PGK1: variants seen among roughly 807,000 people sequenced by gnomAD.
PGK1 encodes phosphoglycerate kinase 1, also known as PRP 2.
In PGK1, 3 loss-of-function variants were observed where a neutral mutation model predicts 26.9. The observed-to-expected ratio is 0.11, with a 90% CI of 0.05 to 0.29. The LOEUF is 0.29. Ranked by LOEUF, PGK1 falls within the 10% of genes least tolerant of loss-of-function variation. PGK1 has a pLI of 1.00. For missense variants in PGK1, 270 were observed against 314.7 expected, an observed-to-expected ratio of 0.86 and a Z score of 1.07; for synonymous variants, 125 against 115.3, an observed-to-expected ratio of 1.08 and a Z score of -0.54.
chrX:78,117,732 A>G (rs1175159562), intron 5 of PGK1, among the ~76,000 whole-genome samples: 1 of 112,608 alleles, frequency 8.9e-6, no homozygotes, highest in Non-Finnish European at 1.9e-5. Context: ...GTAGGAAGCA[A>G]ATTGAGGAAT....
chrX:78,112,223 A>G (rs1557246942), intron 2 of PGK1, among the ~76,000 whole-genome samples: 1 of 111,603 alleles, frequency 9.0e-6, no homozygotes, highest in African/African-American at 3.3e-5. Context: ...ACATGTACGC[A>G]CACACACATA....
At chrX:78,109,745 C>G in intron 1 of PGK1, 122 bp from the exon 2 acceptor site, 1 of 561,298 alleles carries the variant, frequency 1.8e-6, no homozygotes, top group East Asian at 3.4e-5. Context: ...CTTTTAATGC[C>G]ACTGATTATT....
At chrX:78,105,644 A>G (rs1210120220) in intron 1 of PGK1, among the ~76,000 whole-genome samples, 2 of 111,776 alleles carry the variant, frequency 1.8e-5, no homozygotes, top group Non-Finnish European at 3.8e-5. Context: ...GGGTACCCTA[A>G]AAGGACATGT....
At position 78,112,868 on chromosome X, in the gene PGK1, G is replaced by A. The variant is rs141269348; in HGVS notation, c.117-876G>A. Reference sequence around the variant, plus strand: ...TTTCCTGTGAGGGGACACATCAAGTGTTTTCCTTTCTTCAGCAGTGAAAAA... The same window carrying A: ...TTTCCTGTGAGGGGACACATCAAGTATTTTCCTTTCTTCAGCAGTGAAAAA... On this transcript the variant is annotated intron_variant, in intron 2 of 10. Transcript: ENST00000373316. Among the ~76,000 whole-genome samples, 30 of 112,325 alleles carry A rather than the reference G, an allele frequency of 2.7e-4. No individual in the cohort carries two copies. In the East Asian group the frequency reaches 8.1e-3, roughly 30 times the overall value.
intron 5 of PGK1, among the ~76,000 whole-genome samples, chrX:78,117,722 G>A (rs2078333602): frequency 8.9e-6 from 1 of 112,777 alleles, no homozygotes; most frequent in South Asian, 3.6e-4. Flanking sequence ...CATGCTGTCA[G>A]TAGGAAGCAA....
intron 4 of PGK1, 109 bp from the exon 5 acceptor site, chrX:78,117,203 C>G: frequency 1.8e-6 from 1 of 568,620 alleles, no homozygotes. Flanking sequence ...AATCGCTGTC[C>G]CACCTACTCA....
intron 4 of PGK1, 84 bp from the exon 5 acceptor site, chrX:78,117,228 G>C (rs2078330903): frequency 3.0e-6 from 2 of 669,096 alleles, no homozygotes; most frequent in Non-Finnish European, 2.4e-6. Context: ...CTTTAGAGAT[G>C]TTCAAGAGGA....
chrX:78,107,290 C>A (rs782371457), intron 1 of PGK1, among the ~76,000 whole-genome samples: 2 of 110,825 alleles, frequency 1.8e-5, no homozygotes, highest in East Asian at 5.6e-4. Context: ...TGGTTCTATG[C>A]CATTTTATTA....
rs1557249097 is a variant in PGK1, at chrX:78,129,246, T to TATCTA, written c.*3417_*3421dup. 9.0e-6 allele frequency: 1 copy of TATCTA among 110,615 alleles called. No homozygotes were observed. The highest frequency in any genetic ancestry group is 1.9e-5 in the Non-Finnish European group (1 of 52,914). The allele number at this position is 110,615 out of a possible 1,213,427, so 9.1% of individuals were successfully genotyped here. A position where few individuals can be genotyped will look rare whatever the true frequency, so the allele number is the denominator to read the frequency against. ...CTATCTATCTATCTATCTATCTATC[T>TATCTA]ATCTATCTATCTATCTGTATATAGA... On this transcript the variant is annotated 3_prime_UTR_variant, in exon 11 of 11. Coordinates refer to ENST00000373316, the MANE Select transcript of PGK1 (RefSeq NM_000291.4).
In PGK1 at chrX:78,123,167, C is replaced by T. The variant is rs201864628; in HGVS notation, c.757-28C>T. ...GTCTTGTTCTTAGTATAGATGCTGACCTCCATCATTTTGGCTCCCCTGTGT... is the reference window on the plus strand; with the variant it reads ...GTCTTGTTCTTAGTATAGATGCTGATCTCCATCATTTTGGCTCCCCTGTGT... On this transcript the variant is annotated intron_variant, in intron 7 of 10. Coordinates refer to ENST00000373316, the MANE Select transcript of PGK1 (RefSeq NM_000291.4). The T allele has an allele frequency of 1.6e-5, 18 of 1,149,024 alleles. No homozygotes were observed. In the Middle Eastern group the frequency reaches 1.4e-3, roughly 91 times the overall value. 94.7% of individuals were successfully genotyped at this position (1,149,024 alleles called of 1,213,427 possible). A position where few individuals can be genotyped will look rare whatever the true frequency, so the allele number is the denominator to read the frequency against.
At chrX:78,116,271 G>A (rs1309886417) in intron 4 of PGK1, among the ~76,000 whole-genome samples, 2 of 111,924 alleles carry the variant, frequency 1.8e-5, no homozygotes, top group African/African-American at 6.5e-5. Context: ...GCTGGACATA[G>A]AACTCAGGTC....
chrX:78,116,188 T>C (rs186648933), intron 4 of PGK1, among the ~76,000 whole-genome samples: 11 of 111,444 alleles, frequency 9.9e-5, no homozygotes, highest in South Asian at 7.5e-4. Flanking sequence ...ATGGAGGGGT[T>C]ATTATGCCTT....
Position 78,117,345 on chromosome X carries a change from C to G in PGK1, c.451C>G (p.Arg151Gly). The G allele has an allele frequency of 2.5e-6, 3 of 1,208,109 alleles. No homozygotes were observed. Among genetic ancestry groups the G allele is most frequent in the Non-Finnish European group, 3.4e-6 (3 of 892,375 alleles). ...CGAGCCAGCCAAAATAGAAGCTTTC[C>G]GAGCTTCACTTTCCAAGCTAGGGGA... ...KAEPAKIEAF[R>G]ASLSKLGDVY... Residue 151 changes from arginine (R) to glycine (G), a missense_variant, in exon 5 of 11, where the codon CGA (arginine) becomes GGA (glycine). Coordinates refer to ENST00000373316, the MANE Select transcript of PGK1 (RefSeq NM_000291.4).
At position 78,125,400 on chromosome X, in the gene PGK1, T is replaced by A. The variant is rs782667719; in HGVS notation, c.1188T>A (p.Gly396=). ...AAGTCAGCCATGTGAGCACTGGGGGTGGTGCCAGTTTGGAGCTCCTGGAAG... is the reference window on the plus strand; with the variant it reads ...AAGTCAGCCATGTGAGCACTGGGGGAGGTGCCAGTTTGGAGCTCCTGGAAG... The part of the protein sequence containing the change: ...EDKVSHVSTG[G]GASLELLEGK... The change falls in exon 10 of 11, where the codon GGT becomes GGA. Residue 396 remains glycine (G), a synonymous_variant. Transcript: ENST00000373316. The A allele has an allele frequency of 3.2e-5, 38 of 1,201,311 alleles. No individual in the cohort carries two copies. The Admixed American group carries it at 4.4e-4, about 14-fold the overall frequency.
At chrX:78,107,887 T>C (rs1216818633) in intron 1 of PGK1, among the ~76,000 whole-genome samples, 1 of 110,791 alleles carries the variant, frequency 9.0e-6, no homozygotes. Flanking sequence ...ATTTTAGTTA[T>C]TTTTCGTTCT....
At chrX:78,113,723 G>T (rs200039768) in intron 2 of PGK1, 21 bp from the exon 3 acceptor site, 3 of 1,202,443 alleles carry the variant, frequency 2.5e-6, no homozygotes, top group Non-Finnish European at 3.4e-6. Context: ...CATTCTGTTT[G>T]TTGTCTCTCT....
intron 6 of PGK1, among the ~76,000 whole-genome samples, chrX:78,122,060 T>C (rs2078357831): frequency 9.0e-6 from 1 of 110,846 alleles, no homozygotes; most frequent in African/African-American, 3.3e-5. Context: ...AAAGAAAAAT[T>C]ATCCAGGGGT....
At chrX:78,111,323 G>A (rs1318296416) in intron 2 of PGK1, among the ~76,000 whole-genome samples, 1 of 111,358 alleles carries the variant, frequency 9.0e-6, no homozygotes, top group Non-Finnish European at 1.9e-5. Context: ...CCTGGACCCC[G>A]CCCACCTTGG....
chrX:78,123,867 A>G (rs1395996922), intron 8 of PGK1, among the ~76,000 whole-genome samples: 8 of 111,471 alleles, frequency 7.2e-5, no homozygotes, highest in African/African-American at 2.6e-4. Context: ...GCGGCCTCCC[A>G]AAGTGCTGGG....
Sources: allele counts gnomAD v4.1 joint callset (sites outside exome capture counted in the v4.1 genomes callset), GRCh38; gene constraint gnomAD v4.1.1; transcripts MANE v1.5; gene names NCBI Gene and HGNC (gene_info 2026-07-23, HGNC 2026-07-21).